The following GAREM1 variants were observed in gnomAD, a reference collection of about 807,000 sequenced individuals.
The protein encoded by GAREM1 is GRB2 associated regulator of MAPK1 subtype 1, also known as GRB2-associated and regulator of MAPK protein 1.
Under a neutral mutation model 71.3 loss-of-function variants are expected in GAREM1, and 26 were observed. That is an observed-to-expected ratio of 0.36 (90% CI 0.27 to 0.51). The LOEUF (loss-of-function observed/expected upper bound fraction) is 0.51. Among genes scored for constraint, GAREM1 ranks in the 20% least tolerant of loss-of-function variants. The pLI, the probability that GAREM1 is intolerant of heterozygous loss-of-function variation, is 0.95. For missense variants in GAREM1, 1,026 were observed against 1,103.1 expected, an observed-to-expected ratio of 0.93 and a Z score of 0.99; for synonymous variants, 440 against 433.2, an observed-to-expected ratio of 1.02 and a Z score of -0.20.
rs1483597542 is a variant in GAREM1 at position 32,407,983 on chromosome 18, T to TA, written c.122-14949dup. ...AAACTAGAGTTTTGTCTTTTTTTTTTAAAAAAAAACTAACTCTACTAAAGG... is the reference window on the plus strand; with the variant it reads ...AAACTAGAGTTTTGTCTTTTTTTTTTAAAAAAAAAACTAACTCTACTAAAGG... On this transcript the variant is annotated intron_variant, in intron 1 of 5. Transcript: ENST00000269209. Among the ~76,000 whole-genome samples the TA allele has an allele frequency of 4.2e-3, 630 of 150,512 alleles. 6 individuals carry two copies. The highest frequency in any genetic ancestry group is 0.014 in the African/African-American group (587 of 40,946).
intron 1 of GAREM1, among the ~76,000 whole-genome samples, chr18:32,409,454 G>C (rs1003352376): frequency 6.6e-6 from 1 of 152,096 alleles, no homozygotes; most frequent in African/African-American, 2.4e-5. Flanking sequence ...ATAGTTTACT[G>C]TGAAATCCCA....
intron 2 of GAREM1, among the ~76,000 whole-genome samples, chr18:32,336,214 A>T (rs2047592003): frequency 6.6e-6 from 1 of 152,162 alleles, no homozygotes; most frequent in South Asian, 2.1e-4. Flanking sequence ...GCGGATCATG[A>T]GGTCAGGAGA....
chr18:32,407,097 G>A (rs753164261), intron 1 of GAREM1, among the ~76,000 whole-genome samples: 20 of 152,174 alleles, frequency 1.3e-4, no homozygotes, highest in Non-Finnish European at 2.8e-4. Flanking sequence ...CTATGCAAGT[G>A]CCTACGTTTC....
intron 2 of GAREM1, among the ~76,000 whole-genome samples, chr18:32,390,241 T>A (rs72931888): frequency 0.078 from 11,819 of 152,084 alleles, 661 homozygotes; most frequent in African/African-American, 0.15. Flanking sequence ...AAATTTTTTT[T>A]AAAAAAACTA....
chr18:32,394,993 A>G (rs2144662301), intron 1 of GAREM1, among the ~76,000 whole-genome samples: 1 of 152,342 alleles, frequency 6.6e-6, no homozygotes, highest in Non-Finnish European at 1.5e-5. Context: ...ATCAGGACAC[A>G]TAAGCTACTG....
chr18:32,445,111 A>C (rs1277861488), intron 1 of GAREM1, among the ~76,000 whole-genome samples: 1 of 152,136 alleles, frequency 6.6e-6, no homozygotes, highest in African/African-American at 2.4e-5. Flanking sequence ...AAGTCCCATC[A>C]GCAACTCAAA....
chr18:32,453,268 C>G (rs142146430), intron 1 of GAREM1, among the ~76,000 whole-genome samples: 1 of 152,294 alleles, frequency 6.6e-6, no homozygotes, highest in African/African-American at 2.4e-5. Context: ...TTATCTCCCA[C>G]TGGGCCCCTC....
chr18:32,416,754 T>C (rs2048470133), intron 1 of GAREM1, among the ~76,000 whole-genome samples: 1 of 152,072 alleles, frequency 6.6e-6, no homozygotes, highest in East Asian at 1.9e-4. Context: ...ATCTAAGACC[T>C]CAATCTATGA....
At chr18:32,310,769 A>AT (rs5823839) in intron 2 of GAREM1, among the ~76,000 whole-genome samples, 2,952 of 148,140 alleles carry the variant, frequency 0.02, 39 homozygotes, top group Non-Finnish European at 0.029. Flanking sequence ...TTAGTATTAA[A>AT]TTTTTTTTTT....
At chr18:32,271,690 CTTTTTATAAGAGCTGCTTCCAGCTCTCT>C (rs1007495231) in intron 4 of GAREM1, among the ~76,000 whole-genome samples, 1 of 152,176 alleles carries the variant, frequency 6.6e-6, no homozygotes, top group Admixed American at 6.5e-5. Context: ...CCAAAAAGTA[CTTTTTATAAGAGCTGCTTCCAGCTCTCT>C]CACATTTCCT....
intron 1 of GAREM1, among the ~76,000 whole-genome samples, chr18:32,410,277 A>G (rs927513029): frequency 6.6e-6 from 1 of 152,188 alleles, no homozygotes; most frequent in Non-Finnish European, 1.5e-5. Context: ...GGTGAGACAC[A>G]GTGTGCCTTC....
chr18:32,364,000 A>ATATATATATATATATG (rs2047894327), intron 2 of GAREM1, among the ~76,000 whole-genome samples: 1 of 31,234 alleles, frequency 3.2e-5, no homozygotes, highest in Non-Finnish European at 5.7e-5. Context: ...ATATACATAT[A>ATATATATATATATATG]TATATATATA....
Position 32,460,849 on chromosome 18 carries a change from T to C in GAREM1, c.121+9459A>G, listed in dbSNP as rs114451064. On this transcript the variant is annotated intron_variant, in intron 1 of 5. Coordinates refer to ENST00000269209, the MANE Select transcript of GAREM1 (RefSeq NM_001242409.2). ...AGGAGTCATATGAAGAGCATGATAA[T>C]ACCAAAGATTAAAAATCCAGTGACA... Among the ~76,000 whole-genome samples, 1,129 of 152,198 alleles carry C rather than the reference T, an allele frequency of 7.4e-3. 23 individuals are homozygous for C. Among genetic ancestry groups the C allele is most frequent in the African/African-American group, 0.026 (1,069 of 41,514 alleles).
At chr18:32,285,722 G>T (rs930008589) in intron 4 of GAREM1, among the ~76,000 whole-genome samples, 1 of 152,118 alleles carries the variant, frequency 6.6e-6, no homozygotes, top group African/African-American at 2.4e-5. Flanking sequence ...CTTTTAACTT[G>T]TATTAACAGT....
chr18:32,303,250 A>G (rs893345368), intron 3 of GAREM1, among the ~76,000 whole-genome samples: 1 of 152,156 alleles, frequency 6.6e-6, no homozygotes. Flanking sequence ...CTGAGACTTG[A>G]GAGTAGTAAT....
At chr18:32,336,594 A>C (rs1227256934) in intron 2 of GAREM1, among the ~76,000 whole-genome samples, 1 of 152,204 alleles carries the variant, frequency 6.6e-6, no homozygotes, top group African/African-American at 2.4e-5. Context: ...AAAAATGTAA[A>C]TACAGGGATT....
intron 2 of GAREM1, among the ~76,000 whole-genome samples, chr18:32,330,555 C>T (rs1362539114): frequency 6.6e-6 from 1 of 152,072 alleles, no homozygotes; most frequent in African/African-American, 2.4e-5. Flanking sequence ...AAGGGTGTAT[C>T]TTTAAATAAT....
intron 2 of GAREM1, among the ~76,000 whole-genome samples, chr18:32,379,741 T>C (rs957542695): frequency 6.6e-6 from 1 of 151,228 alleles, no homozygotes; most frequent in African/African-American, 2.4e-5. Context: ...GGAAGAGAAT[T>C]AGCGATAGAA....
At chr18:32,282,159 A>C (rs1425528340) in intron 4 of GAREM1, among the ~76,000 whole-genome samples, 1 of 152,112 alleles carries the variant, frequency 6.6e-6, no homozygotes, top group African/African-American at 2.4e-5. Flanking sequence ...TGAAATAAAC[A>C]GCCATGTTGC....
Sources: gnomAD v4.1 joint callset for allele counts (sites outside exome capture counted in the v4.1 genomes callset) on GRCh38, gnomAD v4.1.1 for gene constraint, MANE v1.5 for transcripts, NCBI Gene and HGNC (gene_info 2026-07-23, HGNC 2026-07-21) for gene names.